PHF14: variants seen among roughly 807,000 people sequenced by gnomAD.
PHF14 encodes the protein PHD finger protein 14.
PHF14 carries 55 observed loss-of-function variants against 117.9 expected under a neutral mutation model. The ratio of observed to expected loss-of-function variants is 0.47; its 90% confidence interval spans 0.38 to 0.58. The LOEUF (loss-of-function observed/expected upper bound fraction) is 0.58. PHF14 is among the 20% of genes least tolerant of loss of function. PHF14 has a pLI of 0.00. For synonymous variants in PHF14, 409 were observed against 368.6 expected (o/e 1.11, Z -1.26); for missense variants, 978 against 1,122.2 (o/e 0.87, Z 1.84).
intron 14 of PHF14, among the ~76,000 whole-genome samples, chr7:11,057,436 G>T (rs1028949705): frequency 6.6e-6 from 1 of 152,096 alleles, no homozygotes; most frequent in African/African-American, 2.4e-5. Context: ...GTGCAGTGGT[G>T]TGACCTTGGC....
intron 6 of PHF14, among the ~76,000 whole-genome samples, chr7:11,026,255 G>A (rs1431562391): frequency 6.6e-6 from 1 of 152,088 alleles, no homozygotes; most frequent in Non-Finnish European, 1.5e-5. Flanking sequence ...AGGCTCAAGT[G>A]ATCATTAACA....
At chr7:11,099,469 A>G (rs1192958901) in intron 16 of PHF14, among the ~76,000 whole-genome samples, 2 of 152,140 alleles carry the variant, frequency 1.3e-5, no homozygotes, top group Non-Finnish European at 1.5e-5. Flanking sequence ...GGGGTACACA[A>G]TTTTAGAGTA....
At chr7:11,023,581 C>T (rs993678920) in intron 6 of PHF14, among the ~76,000 whole-genome samples, 17 of 152,182 alleles carry the variant, frequency 1.1e-4, no homozygotes, top group Non-Finnish European at 2.2e-4. Context: ...TATCCCAGCA[C>T]TTCGGGAGGC....
intron 4 of PHF14, among the ~76,000 whole-genome samples, chr7:11,005,569 A>G (rs976463321): frequency 1.3e-5 from 2 of 152,324 alleles, no homozygotes; most frequent in African/African-American, 4.8e-5. Context: ...ATATTTTTCT[A>G]CAACTTGCTT....
At chr7:10,994,761 C>G (rs181085641) in intron 4 of PHF14, among the ~76,000 whole-genome samples, 2 of 151,970 alleles carry the variant, frequency 1.3e-5, no homozygotes, top group Non-Finnish European at 2.9e-5. Flanking sequence ...CTGGTGGGTT[C>G]GTGGTCTCGC....
At chr7:11,075,951 G>A (rs577502373) in intron 16 of PHF14, among the ~76,000 whole-genome samples, 3 of 152,164 alleles carry the variant, frequency 2.0e-5, no homozygotes, top group Non-Finnish European at 4.4e-5. Context: ...CTAATACGAT[G>A]AAACCCCGTC....
At chr7:11,116,611 C>T (rs1263143801) in intron 17 of PHF14, among the ~76,000 whole-genome samples, 2 of 151,812 alleles carry the variant, frequency 1.3e-5, no homozygotes, top group African/African-American at 4.8e-5. Flanking sequence ...CTCTTATCAC[C>T]CTCTACTCCT....
At position 10,989,348 on chromosome 7, in the gene PHF14, T is replaced by TA. The variant is rs967128653; in HGVS notation, c.901-1349dup. On this transcript the variant is annotated intron_variant, in intron 3 of 17. Coordinates refer to ENST00000634607, the MANE Select transcript of PHF14 (RefSeq NM_001007157.2). Reference sequence around the variant, plus strand: ...TTGAGTTTAAAAGAATATAAAAATATAAAAAATAATAAAACATATTTATGA... The same window carrying TA: ...TTGAGTTTAAAAGAATATAAAAATATAAAAAAATAATAAAACATATTTATGA... 2.6e-5 allele frequency among the ~76,000 whole-genome samples: 4 copies of TA among 152,086 alleles called. No individual in the cohort carries two copies. The East Asian group carries it at 5.8e-4, about 22-fold the overall frequency.
rs774602015 is a variant in PHF14, at chr7:11,028,711, G to C, written c.1348G>C (p.Ala450Pro). The C allele has an allele frequency of 6.2e-7, 1 of 1,613,672 alleles. No individual in the cohort carries two copies. ...ECSFCEDPRF[A>P]RTGVCISCDA... ...TAGCTTTTGTGAAGACCCTCGCTTT[G>C]CTAGAACTGGGGTTTGCATTAGCTG... The change falls in exon 7 of 18, where the codon GCT becomes CCT. Residue 450 changes from alanine (A) to proline (P), a missense_variant. Coordinates refer to ENST00000634607, the MANE Select transcript of PHF14 (RefSeq NM_001007157.2).
At chr7:11,141,281 A>G (rs1237410448) in intron 17 of PHF14, among the ~76,000 whole-genome samples, 1 of 152,058 alleles carries the variant, frequency 6.6e-6, no homozygotes, top group Non-Finnish European at 1.5e-5. Flanking sequence ...TATCTCTGTA[A>G]TTAAGAAATC....
chr7:11,034,909 A>G (rs1784263038), intron 7 of PHF14, among the ~76,000 whole-genome samples: 1 of 151,942 alleles, frequency 6.6e-6, no homozygotes, highest in African/African-American at 2.4e-5. Flanking sequence ...GAAATGCCAC[A>G]CTTATCTTGT....
Position 11,169,444 on chromosome 7 carries a change from A to G in PHF14, c.2801A>G (p.Asn934Ser), listed in dbSNP as rs1789301499. ...GATGAAAATGAAGCTGAAAGAAAAA[A>G]TATATCTCAGGAGCTCAACATGGAA... Reference protein sequence around the residue: ...KEDENEAERKNISQELNMEQK... With the variant: ...KEDENEAERKSISQELNMEQK... Residue 934 changes from asparagine to serine, a missense_variant, in exon 18 of 18, where the codon AAT (asparagine) becomes AGT (serine). Around this residue, in one of 7 missense-constraint regions of PHF14, gnomAD observed 180 missense variants for 195.4 expected, o/e 0.92. Coordinates refer to ENST00000634607, the MANE Select transcript of PHF14 (RefSeq NM_001007157.2). 6.6e-7 allele frequency: 1 copy of G among 1,508,246 alleles called. No individual in the cohort carries two copies. The highest frequency in any genetic ancestry group is 1.4e-5 in the African/African-American group (1 of 71,130). 93.4% of individuals were successfully genotyped at this position (1,508,246 alleles called of 1,614,324 possible).
At chr7:11,037,857 A>C (rs1000089533) in intron 10 of PHF14, among the ~76,000 whole-genome samples, 3 of 152,196 alleles carry the variant, frequency 2.0e-5, no homozygotes, top group Admixed American at 2.0e-4. Context: ...GATTCTTGCT[A>C]GTTCTGTGAT....
At chr7:11,049,508 T>G (rs951290721) in intron 13 of PHF14, among the ~76,000 whole-genome samples, 1 of 151,154 alleles carries the variant, frequency 6.6e-6, no homozygotes, top group Non-Finnish European at 1.5e-5. Context: ...AAATTAGAAC[T>G]GTTTGAGAAA....
chr7:11,134,993 T>A (rs1788180133), intron 17 of PHF14, among the ~76,000 whole-genome samples: 1 of 152,132 alleles, frequency 6.6e-6, no homozygotes, highest in African/African-American at 2.4e-5. Context: ...CACCTTTTTC[T>A]TCACTTGACA....
At chr7:11,013,256 G>T (rs1385735220) in intron 4 of PHF14, among the ~76,000 whole-genome samples, 2 of 152,046 alleles carry the variant, frequency 1.3e-5, no homozygotes, top group Non-Finnish European at 2.9e-5. Flanking sequence ...TTGCCTCCAG[G>T]GTTCAAGTGA....
At chr7:11,026,508 A>G (rs1396257531) in intron 6 of PHF14, among the ~76,000 whole-genome samples, 2 of 152,190 alleles carry the variant, frequency 1.3e-5, no homozygotes, top group Non-Finnish European at 2.9e-5. Flanking sequence ...TAACAGATGT[A>G]TTTATTGGGC....
chr7:10,990,223 A>AT (rs1273506818), intron 3 of PHF14, among the ~76,000 whole-genome samples: 1 of 152,142 alleles, frequency 6.6e-6, no homozygotes. Flanking sequence ...GTTATTTTGA[A>AT]TTGATTTTTT....
At chr7:11,058,816 T>A (rs1313294407) in intron 14 of PHF14, among the ~76,000 whole-genome samples, 1 of 152,238 alleles carries the variant, frequency 6.6e-6, no homozygotes, top group East Asian at 1.9e-4. Flanking sequence ...GAAGTGACAG[T>A]TGAGATAACT....
Sources: allele counts gnomAD v4.1 joint callset (sites outside exome capture counted in the v4.1 genomes callset), GRCh38; gene constraint gnomAD v4.1.1; regional missense constraint gnomAD v4.1.1; transcripts MANE v1.5; gene names NCBI Gene and HGNC (gene_info 2026-07-23, HGNC 2026-07-21).